Variants in MZT2A observed in about 807,000 individuals in gnomAD.
MZT2A encodes the protein mitotic spindle organizing protein 2A.
In MZT2A, 8 loss-of-function variants were observed where a neutral mutation model predicts 12.4. The ratio of observed to expected loss-of-function variants is 0.64; its 90% CI spans 0.38 to 1.16. The LOEUF (loss-of-function observed/expected upper bound fraction) is 1.16, where lower values mean the gene tolerates loss of function less well. Ranked by LOEUF, MZT2A falls within the 50% of genes most tolerant of loss-of-function variation. The pLI, the probability that MZT2A is intolerant of heterozygous loss-of-function variation, is 0.01. For missense variants in MZT2A, 181 were observed against 223.6 expected, an observed-to-expected ratio of 0.81 and a Z score of 1.22; for synonymous variants, 88 against 107.5, an observed-to-expected ratio of 0.82 and a Z score of 1.12.
chr2:131,488,150 C>T (rs1679130372), intron 2 of MZT2A, among the ~76,000 whole-genome samples: 1 of 152,202 alleles, frequency 6.6e-6, no homozygotes, highest in Non-Finnish European at 1.5e-5. Context: ...TCAGGCAGCA[C>T]AGCTCAGGTG....
At chr2:131,491,812 C>G in intron 2 of MZT2A, 64 bp downstream of exon 2, 1 of 1,371,396 alleles carries the variant, frequency 7.3e-7, no homozygotes, top group Non-Finnish European at 9.8e-7. Flanking sequence ...CGCTGTGCCG[C>G]GCCTGCCCCC....
At chr2:131,478,742 T>C in intron 2 of MZT2A, 2 of 340,070 alleles carry the variant, frequency 5.9e-6, no homozygotes, top group South Asian at 1.1e-4. Context: ...TGCACTAGAG[T>C]CTTGACCTGC....
At chr2:131,480,291 T>C (rs781421168), downstream of MZT2A, 118 of 1,613,590 alleles carry the variant, frequency 7.3e-5, no homozygotes, top group Non-Finnish European at 9.7e-5. Flanking sequence ...ACATTCTGAC[T>C]GTGCCTTCAT....
intron 2 of MZT2A, among the ~76,000 whole-genome samples, chr2:131,485,506 A>G (rs1573868721): frequency 6.6e-6 from 1 of 152,068 alleles, no homozygotes; most frequent in African/African-American, 2.4e-5. Context: ...GTCCCTCGTG[A>G]GGGCACGCTG....
intron 2 of MZT2A, among the ~76,000 whole-genome samples, chr2:131,475,419 T>C (rs1254820634): frequency 7.2e-6 from 1 of 138,760 alleles, no homozygotes; most frequent in Non-Finnish European, 1.5e-5. Flanking sequence ...AACAACTGCC[T>C]CCCAGTTTCA....
intron 2 of MZT2A, among the ~76,000 whole-genome samples, chr2:131,488,387 G>A (rs1679139494): frequency 6.6e-6 from 1 of 152,082 alleles, no homozygotes; most frequent in South Asian, 2.1e-4. Context: ...GTTCCCACAG[G>A]CCGTCTGCAT....
downstream of MZT2A, among the ~76,000 whole-genome samples, chr2:131,481,581 C>A (rs1678869038): frequency 6.6e-6 from 1 of 152,114 alleles, no homozygotes; most frequent in South Asian, 2.1e-4. Context: ...ATTACAGGCA[C>A]CTGCCACCAC....
At chr2:131,493,205 G>C (rs1019655271), upstream of MZT2A, 24 of 1,386,336 alleles carry the variant, frequency 1.7e-5, no homozygotes, top group Admixed American at 7.1e-4. Context: ...GAGCCCCTGC[G>C]GAGGCCATCT....
chr2:131,493,648 A>G (rs1679438020), upstream of MZT2A, among the ~76,000 whole-genome samples: 1 of 151,682 alleles, frequency 6.6e-6, no homozygotes, highest in Admixed American at 6.6e-5. Context: ...GCGTTGCCCA[A>G]GGGCTGTCGC....
intron 2 of MZT2A, 40 bp downstream of exon 2, chr2:131,491,836 C>A (rs1464244224): frequency 5.2e-5 from 69 of 1,327,954 alleles, no homozygotes; most frequent in Non-Finnish European, 6.4e-5. Context: ...CCGCCCGCCA[C>A]CCCCGCCACT....
chr2:131,475,356 A>C lies in MZT2A; in HGVS notation c.279-3174T>G, dbSNP rs528700161. 3.1e-3 allele frequency among the ~76,000 whole-genome samples: 324 copies of C among 103,722 alleles called. 3 individuals are homozygous for C. The highest frequency in any genetic ancestry group is 0.028 in the Middle Eastern group (2 of 72). 68.0% of individuals were successfully genotyped at this position (103,722 alleles called of 152,430 possible). A position where few individuals can be genotyped will look rare whatever the true frequency, so the allele number is the denominator to read the frequency against. ...TTTTTTTTTTTTTTTGAAACGGAGTATGGCTCTGTTGCCCAGGCTGGAGTG... is the reference window on the plus strand; with the variant it reads ...TTTTTTTTTTTTTTTGAAACGGAGTCTGGCTCTGTTGCCCAGGCTGGAGTG... On this transcript the variant is annotated intron_variant and NMD_transcript_variant, in intron 2 of 4. Transcript: ENST00000427024.
chr2:131,473,765 G>A (rs1678546078), intron 2 of MZT2A, among the ~76,000 whole-genome samples: 1 of 146,738 alleles, frequency 6.8e-6, no homozygotes, highest in African/African-American at 2.7e-5. Context: ...GAAGAATCAG[G>A]TGACTGTTCC....
chr2:131,483,001 A>AC, downstream of MZT2A: 1 of 1,357,464 alleles, frequency 7.4e-7, no homozygotes, highest in South Asian at 1.5e-5. Context: ...GCCTGCATGG[A>AC]CAGCGGTGGG....
chr2:131,480,122 C>T (rs754725908), downstream of MZT2A: 50 of 1,612,324 alleles, frequency 3.1e-5, no homozygotes, highest in East Asian at 6.7e-5. Context: ...GCTTTGGGGG[C>T]GGCACTGGCT....
At chr2:131,490,934 G>A (rs111479673) in intron 2 of MZT2A, 103 of 1,549,062 alleles carry the variant, frequency 6.6e-5, no homozygotes, top group Non-Finnish European at 8.0e-5. Context: ...GACAGAGCGA[G>A]GGTCAGTGAA....
chr2:131,477,679 C>A (rs1302803880), intron 2 of MZT2A, among the ~76,000 whole-genome samples: 2 of 151,156 alleles, frequency 1.3e-5, no homozygotes, highest in Non-Finnish European at 2.9e-5. Flanking sequence ...GAGCACAGAG[C>A]AGGTGGTGAA....
chr2:131,483,164 C>T (rs1397940808), downstream of MZT2A, among the ~76,000 whole-genome samples: 2 of 152,158 alleles, frequency 1.3e-5, no homozygotes, highest in Admixed American at 1.3e-4. Context: ...AAAGCAGAGT[C>T]AGGGTTTTCA....
intron 2 of MZT2A, chr2:131,478,285 T>A (rs138444379): frequency 6.2e-7 from 1 of 1,614,008 alleles, no homozygotes; most frequent in African/African-American, 1.3e-5. Flanking sequence ...GATAAAACCA[T>A]TGGTGGCGGG....
At chr2:131,475,989 G>T in intron 2 of MZT2A, 5 of 859,582 alleles carry the variant, frequency 5.8e-6, no homozygotes, top group Non-Finnish European at 8.7e-6. Context: ...ATCAGAGAGC[G>T]TCCCCAGTAC....
Sources: gnomAD v4.1 joint callset for allele counts (sites outside exome capture counted in the v4.1 genomes callset) on GRCh38, gnomAD v4.1.1 for gene constraint, MANE v1.5 for transcripts, NCBI Gene and HGNC (gene_info 2026-07-23, HGNC 2026-07-21) for gene names.